Variants in MAML3 observed in about 807,000 individuals in gnomAD.
The protein encoded by MAML3 is mastermind-like protein 3.
A neutral mutation model predicts 101.9 loss-of-function variants in MAML3; 27 were observed. The ratio of observed to expected loss-of-function variants is 0.27; its 90% CI spans 0.20 to 0.37. MAML3 has a LOEUF of 0.37. Ranked by LOEUF, MAML3 falls within the 10% of genes least tolerant of loss-of-function variation. MAML3 has a pLI of 1.00. For missense variants in MAML3, 1,316 were observed against 1,444.9 expected (o/e 0.91, Z 1.45); for synonymous variants, 501 against 555.9 (o/e 0.90, Z 1.39).
intron 2 of MAML3, among the ~76,000 whole-genome samples, chr4:139,845,681 G>A (rs951420279): frequency 6.6e-6 from 1 of 152,122 alleles, no homozygotes; most frequent in Non-Finnish European, 1.5e-5. Context: ...CACTTCATAT[G>A]ATGTCATCTC....
chr4:140,116,860 A>G (rs1342636081), intron 1 of MAML3, among the ~76,000 whole-genome samples: 1 of 152,158 alleles, frequency 6.6e-6, no homozygotes, highest in Non-Finnish European at 1.5e-5. Context: ...CACAGATGAG[A>G]TTTTTTTAAA....
chr4:140,029,110 T>C (rs1047528530), intron 1 of MAML3, among the ~76,000 whole-genome samples: 5 of 152,186 alleles, frequency 3.3e-5, no homozygotes, highest in Non-Finnish European at 7.3e-5. Context: ...ACTGCCCAGG[T>C]ACACCTGCTC....
intron 2 of MAML3, among the ~76,000 whole-genome samples, chr4:139,845,800 C>T (rs959736010): frequency 6.6e-6 from 1 of 152,196 alleles, no homozygotes; most frequent in Admixed American, 6.5e-5. Context: ...TTCTGAAATA[C>T]AAACTGAATA....
intron 1 of MAML3, among the ~76,000 whole-genome samples, chr4:140,025,001 C>T (rs973417836): frequency 1.3e-5 from 2 of 152,192 alleles, no homozygotes; most frequent in African/African-American, 4.8e-5. Flanking sequence ...TAAGAGTACT[C>T]GATGGCTATG....
chr4:139,839,803 C>A (rs1482232617), intron 2 of MAML3, among the ~76,000 whole-genome samples: 1 of 152,004 alleles, frequency 6.6e-6, no homozygotes, highest in Non-Finnish European at 1.5e-5. Flanking sequence ...AAATGACCTG[C>A]AGAGAGACAA....
intron 1 of MAML3, among the ~76,000 whole-genome samples, chr4:140,073,710 C>A (rs932256214): frequency 6.6e-6 from 1 of 152,266 alleles, no homozygotes; most frequent in Admixed American, 6.5e-5. Context: ...TCAAAATAAT[C>A]CATATGTTGC....
chr4:139,969,858 G>A (rs1218444251), intron 1 of MAML3, among the ~76,000 whole-genome samples: 1 of 152,202 alleles, frequency 6.6e-6, no homozygotes, highest in Non-Finnish European at 1.5e-5. Context: ...TCACAAAAAA[G>A]TGTTTCCAAG....
chr4:139,844,756 G>A (rs1223375498), intron 2 of MAML3, among the ~76,000 whole-genome samples: 3 of 152,154 alleles, frequency 2.0e-5, no homozygotes, highest in Non-Finnish European at 4.4e-5. Flanking sequence ...CAAATTTTCT[G>A]TTCATCAATA....
intron 1 of MAML3, among the ~76,000 whole-genome samples, chr4:140,123,589 T>C (rs1034751964): frequency 6.6e-6 from 1 of 152,208 alleles, no homozygotes; most frequent in African/African-American, 2.4e-5. Context: ...CAGAGGGATG[T>C]CATTTCGAGC....
At chr4:140,131,475 G>A (rs1194045761) in intron 1 of MAML3, among the ~76,000 whole-genome samples, 1 of 152,188 alleles carries the variant, frequency 6.6e-6, no homozygotes, top group East Asian at 1.9e-4. Context: ...CTTGGAATTT[G>A]TGCAGAACCA....
At chr4:140,151,802 G>T (rs1413031965) in intron 1 of MAML3, among the ~76,000 whole-genome samples, 1 of 152,156 alleles carries the variant, frequency 6.6e-6, no homozygotes, top group Non-Finnish European at 1.5e-5. Context: ...CTCCGGCTTG[G>T]GGGGTGGGAA....
intron 1 of MAML3, among the ~76,000 whole-genome samples, chr4:140,069,663 GGAGA>G (rs913025425): frequency 2.0e-5 from 3 of 149,384 alleles, no homozygotes; most frequent in Admixed American, 1.3e-4. Flanking sequence ...AGAAGGAGAA[GGAGA>G]AAGAAAGAAA....
At chr4:139,775,241 T>A (rs11725076) in intron 2 of MAML3, among the ~76,000 whole-genome samples, 100,231 of 152,058 alleles carry the variant, frequency 0.66, 35,283 homozygotes, top group East Asian at 0.84. Context: ...ACTCACACAA[T>A]AAACAGGTAA....
intron 1 of MAML3, among the ~76,000 whole-genome samples, chr4:139,977,375 ATC>A (rs1734361810): frequency 6.6e-6 from 1 of 152,148 alleles, no homozygotes; most frequent in Non-Finnish European, 1.5e-5. Context: ...GGCCTAAATC[ATC>A]TCTGATAGAG....
chr4:139,983,780 A>G (rs1734486547), intron 1 of MAML3, among the ~76,000 whole-genome samples: 1 of 152,194 alleles, frequency 6.6e-6, no homozygotes, highest in Non-Finnish European at 1.5e-5. Flanking sequence ...AAGCAAACAC[A>G]CTAGGGAAGA....
chr4:139,831,796 CTT>C (rs72068259), intron 2 of MAML3, among the ~76,000 whole-genome samples: 1,550 of 143,390 alleles, frequency 0.011, 33 homozygotes, highest in African/African-American at 0.036. Context: ...CCCTCTCACT[CTT>C]TTTTTTTTTT....
intron 3 of MAML3, among the ~76,000 whole-genome samples, chr4:139,729,444 AC>A (rs1478714849): frequency 6.6e-5 from 10 of 152,198 alleles, no homozygotes; most frequent in African/African-American, 2.4e-4. Context: ...ACATAGTGCG[AC>A]CCCGTCTCTA....
At chr4:140,080,929 A>G (rs2110967926) in intron 1 of MAML3, among the ~76,000 whole-genome samples, 1 of 152,376 alleles carries the variant, frequency 6.6e-6, no homozygotes, top group Non-Finnish European at 1.5e-5. Context: ...GAAAAATGGA[A>G]TCCATAGTTT....
intron 2 of MAML3, among the ~76,000 whole-genome samples, chr4:139,815,288 A>C (rs1730874503): frequency 6.6e-6 from 1 of 152,252 alleles, no homozygotes; most frequent in African/African-American, 2.4e-5. Context: ...TTCAGGAATG[A>C]ATCATTTCTC....
Sources: allele counts gnomAD v4.1 joint callset (sites outside exome capture counted in the v4.1 genomes callset), GRCh38; gene constraint gnomAD v4.1.1; transcripts MANE v1.5; gene names NCBI Gene and HGNC (gene_info 2026-07-23, HGNC 2026-07-21).